The following USF3 variants were observed in gnomAD, a reference collection of about 807,000 sequenced individuals.
USF3 encodes upstream transcription factor family member 3.
In USF3, 29 loss-of-function variants were observed where a neutral mutation model predicts 157.5. The ratio of observed to expected loss-of-function variants is 0.18; its 90% CI spans 0.14 to 0.25. USF3 has a LOEUF of 0.25. USF3 is among the 10% of genes least tolerant of loss of function. The probability of loss-of-function intolerance (pLI) is 1.00; values close to 1 mark genes in which losing one functional copy is unlikely to be tolerated. For synonymous variants in USF3, 893 were observed against 941.4 expected (o/e 0.95, Z 0.94); for missense variants, 2,381 against 2,667.6 (o/e 0.89, Z 2.37).
intron 5 of USF3, among the ~76,000 whole-genome samples, chr3:113,667,155 C>T (rs1016691862): frequency 2.0e-5 from 3 of 151,390 alleles, no homozygotes; most frequent in African/African-American, 7.3e-5. Flanking sequence ...CAACAGAGAC[C>T]CAATACGTAA....
In USF3 at chr3:113,661,297, G is replaced by A; in HGVS notation, c.385C>T (p.Leu129Phe). The change falls in exon 7 of 7, where the codon CTT (leucine) becomes TTT (phenylalanine). Residue 129 changes from leucine to phenylalanine, a missense_variant. Leu to Phe is a conservative substitution (Grantham distance 22). Transcript: ENST00000316407. ...DDPTIHWKGN[L>F]KNSKVSVVIP... ...ACAACAGAGACCTTTGAGTTTTTAAGATTTCCTTTCCAGTGAATTGTCGGG... is the reference window on the plus strand; with the variant it reads ...ACAACAGAGACCTTTGAGTTTTTAAAATTTCCTTTCCAGTGAATTGTCGGG... 1 of 1,614,008 alleles carries A rather than the reference G, an allele frequency of 6.2e-7. No homozygotes were observed. Among genetic ancestry groups the A allele is most frequent in the Non-Finnish European group, 8.5e-7 (1 of 1,179,984 alleles).
intron 1 of USF3, among the ~76,000 whole-genome samples, chr3:113,692,970 A>G (rs1056018521): frequency 6.6e-6 from 1 of 152,232 alleles, no homozygotes; most frequent in African/African-American, 2.4e-5. Context: ...ACTGGAAGGA[A>G]GATTACATAT....
chr3:113,689,122 A>G (rs1257026552), intron 1 of USF3, among the ~76,000 whole-genome samples: 1 of 152,258 alleles, frequency 6.6e-6, no homozygotes, highest in Admixed American at 6.5e-5. Context: ...GAAATTGTAC[A>G]GTAAATAGGA....
chr3:113,674,690 T>G lies in USF3; in HGVS notation c.47+142A>C, dbSNP rs114158107. The G allele has an allele frequency of 4.8e-3, 3,547 of 731,602 alleles. 83 individuals carry two copies. In the African/African-American group the frequency reaches 0.052, roughly 11 times the overall value. The allele number at this position is 731,602 out of a possible 1,614,324, so 45.3% of individuals were successfully genotyped here. A position where few individuals can be genotyped will look rare whatever the true frequency, so the allele number is the denominator to read the frequency against. On this transcript the variant is annotated intron_variant, in intron 3 of 6. Coordinates refer to ENST00000316407, the MANE Select transcript of USF3 (RefSeq NM_001009899.4). ...ATACCTTTTTCAGTAAATCTGTATT[T>G]ATCTACAAATATTTTTGGAGAGTAA... is the stretch of plus-strand genomic sequence containing the variant.
At position 113,661,008 on chromosome 3, in the gene USF3, A is replaced by C. The variant is rs1428768397; in HGVS notation, c.674T>G (p.Leu225Arg). 2 of 1,614,156 alleles carry C rather than the reference A, an allele frequency of 1.2e-6. No individual in the cohort carries two copies. Among genetic ancestry groups the C allele is most frequent in the Non-Finnish European group, 1.7e-6 (2 of 1,180,020 alleles). ...AGCAGAAATGGCAGCAGGAAGACAA[A>C]GAGGAACAGGCTGGTTGGTAGCCAA... ...PALATNQPVP[L>R]CLPAAISAQS... The change falls in exon 7 of 7, where the codon CTT (leucine) becomes CGT (arginine). Residue 225 changes from leucine (L) to arginine (R), a missense_variant. This residue lies in a region of USF3 where 1,435 missense variants were observed against 1,550.9 expected (regional missense o/e 0.93). Transcript: ENST00000316407.
chr3:113,694,950 C>G (rs1448002275), intron 1 of USF3, among the ~76,000 whole-genome samples: 1 of 152,134 alleles, frequency 6.6e-6, no homozygotes, highest in Non-Finnish European at 1.5e-5. Flanking sequence ...GAGGCTGATG[C>G]AGGAGAATTG....
Position 113,658,705 on chromosome 3 carries a change from T to C in USF3, c.2977A>G (p.Met993Val), listed in dbSNP as rs780497223. Residue 993 changes from methionine to valine, a missense_variant, in exon 7 of 7, where the codon ATG (methionine) becomes GTG (valine). Met to Val is a conservative substitution (Grantham distance 21, BLOSUM62 1). Around this residue, in one of 6 missense-constraint regions of USF3, gnomAD observed 1,435 missense variants for 1,550.9 expected, o/e 0.93. Transcript: ENST00000316407. The stretch of plus-strand genomic sequence containing the variant: ...CCCTTTAAGAGACCTGTGGTTTGCA[T>C]TGTATCTGATGAATCTTGCTCAACT... ...CRVEQDSSDT[M>V]QTTGLLKGQG... is the part of the protein sequence containing the mutation. 1.9e-6 allele frequency: 3 copies of C among 1,614,112 alleles called. No individual in the cohort carries two copies. The highest frequency in any genetic ancestry group is 1.1e-5 in the South Asian group (1 of 91,082).
At position 113,681,644 on chromosome 3, in the gene USF3, C is replaced by T. The variant is rs531656509; in HGVS notation, c.-134-4247G>A. ...CTCAAGCTCCTGACCTCAGGTGATC[C>T]GCCTGCTTCGGCCTCCCAAAGTGCT... is the stretch of plus-strand genomic sequence containing the variant. On this transcript the variant is annotated intron_variant, in intron 1 of 6. Coordinates refer to ENST00000316407, the MANE Select transcript of USF3 (RefSeq NM_001009899.4). Among the ~76,000 whole-genome samples the T allele has an allele frequency of 1.8e-3, 273 of 149,422 alleles. 3 individuals carry two copies. Among genetic ancestry groups the T allele is most frequent in the South Asian group, 0.011 (51 of 4,694 alleles).
chr3:113,671,795 G>T (rs567918377), intron 4 of USF3, among the ~76,000 whole-genome samples: 25 of 135,426 alleles, frequency 1.8e-4, no homozygotes, highest in African/African-American at 5.9e-4. Context: ...TTGAGACAAG[G>T]TGTTGTTCCA....
chr3:113,671,998 T>G (rs1319678891), intron 4 of USF3, among the ~76,000 whole-genome samples: 2 of 152,034 alleles, frequency 1.3e-5, no homozygotes, highest in African/African-American at 4.8e-5. Flanking sequence ...TTTGAACTCC[T>G]GGGCTCAAAA....
At chr3:113,667,205 G>T (rs984186829) in intron 5 of USF3, among the ~76,000 whole-genome samples, 2 of 152,156 alleles carry the variant, frequency 1.3e-5, no homozygotes, top group Admixed American at 6.6e-5. Flanking sequence ...AAATAATATT[G>T]TTCTTTTTAA....
In USF3 at chr3:113,660,098, T is replaced by A; in HGVS notation, c.1584A>T (p.Ser528=). 6.2e-7 allele frequency: 1 copy of A among 1,614,194 alleles called. No individual in the cohort carries two copies. The highest frequency in any genetic ancestry group is 1.1e-5 in the South Asian group (1 of 91,084). ...QPPKNILPLN[S]AMQVIQMAQP... ...GAGCCATCTGAATCACTTGCATTGCTGAATTCAGTGGAAGGATATTTTTGG... is the reference window on the plus strand; with the variant it reads ...GAGCCATCTGAATCACTTGCATTGCAGAATTCAGTGGAAGGATATTTTTGG... The change falls in exon 7 of 7, where the codon TCA becomes TCT. Residue 528 remains serine (S), a synonymous_variant. Transcript: ENST00000316407.
chr3:113,655,618 T>G lies in USF3; in HGVS notation c.6064A>C (p.Met2022Leu). Residue 2022 changes from methionine (M) to leucine (L), a missense_variant, in exon 7 of 7, where the codon ATG (methionine) becomes CTG (leucine). Met to Leu is a conservative substitution (Grantham distance 15). Around this residue, in one of 6 missense-constraint regions of USF3, gnomAD observed 770 missense variants for 824.2 expected, o/e 0.93. Coordinates refer to ENST00000316407, the MANE Select transcript of USF3 (RefSeq NM_001009899.4). Reference sequence around the variant, plus strand: ...GCAGGTTGTTGACGTCCAAGAATCATACTGCCACCAGTAGAGAGAGGAAGA... The same window carrying G: ...GCAGGTTGTTGACGTCCAAGAATCAGACTGCCACCAGTAGAGAGAGGAAGA... ...PHLPLSTGGS[M>L]ILGRQQPATE... The G allele has an allele frequency of 6.2e-7, 1 of 1,614,186 alleles. No homozygotes were observed.
At chr3:113,675,788 C>T (rs1707267778) in intron 2 of USF3, among the ~76,000 whole-genome samples, 3 of 152,148 alleles carry the variant, frequency 2.0e-5, no homozygotes, top group African/African-American at 7.2e-5. Context: ...TGGAGAATGC[C>T]TCTGGAAACT....
chr3:113,680,726 G>A (rs1053897767), intron 1 of USF3, among the ~76,000 whole-genome samples: 5 of 151,608 alleles, frequency 3.3e-5, no homozygotes, highest in Non-Finnish European at 5.9e-5. Flanking sequence ...ACTTGAACCC[G>A]GGAGATGGAG....
Position 113,657,189 on chromosome 3 carries a change from G to A in USF3, c.4493C>T (p.Ala1498Val). Residue 1498 changes from alanine to valine, a missense_variant, in exon 7 of 7, where the codon GCA (alanine) becomes GTA (valine). Around this residue, in one of 6 missense-constraint regions of USF3, gnomAD observed 50 missense variants for 79.7 expected, o/e 0.63. Transcript: ENST00000316407. Reference sequence around the variant, plus strand: ...GGGCTGAGAGTGGACAGAGCTCTCTGCATGAGGTACATGATGCTGCATTTG... The same window carrying A: ...GGGCTGAGAGTGGACAGAGCTCTCTACATGAGGTACATGATGCTGCATTTG... ...LYQMQHHVPH[A>V]ESSVHSQPHN... 3 of 1,614,196 alleles carry A rather than the reference G, an allele frequency of 1.9e-6. No individual in the cohort carries two copies. Among genetic ancestry groups the A allele is most frequent in the Non-Finnish European group, 2.5e-6 (3 of 1,180,040 alleles).
chr3:113,674,992 A>T lies in USF3; in HGVS notation c.-18-96T>A, dbSNP rs1325090813. ...AATTTGATTTGAATATTAAAATGCTAAAAAATAAAATTGACATTGAAAAGC... is the reference window on the plus strand; with the variant it reads ...AATTTGATTTGAATATTAAAATGCTTAAAAATAAAATTGACATTGAAAAGC... On this transcript the variant is annotated intron_variant, in intron 2 of 6. Transcript: ENST00000316407. 4 of 759,048 alleles carry T rather than the reference A, an allele frequency of 5.3e-6. No individual in the cohort carries two copies. The East Asian group carries it at 1.0e-4, about 19-fold the overall frequency. The allele number at this position is 759,048 out of a possible 1,614,324, so 47.0% of individuals were successfully genotyped here.
chr3:113,689,812 C>G (rs1396996644), intron 1 of USF3, among the ~76,000 whole-genome samples: 1 of 152,216 alleles, frequency 6.6e-6, no homozygotes, highest in Admixed American at 6.5e-5. Context: ...GCTGATCTCT[C>G]TCTTTCTTGA....
chr3:113,692,538 C>G (rs562088068), intron 1 of USF3, among the ~76,000 whole-genome samples: 1 of 152,200 alleles, frequency 6.6e-6, no homozygotes, highest in South Asian at 2.1e-4. Context: ...ATAGATTTTA[C>G]ATACTTATGT....
Sources: gnomAD v4.1 joint callset for allele counts (sites outside exome capture counted in the v4.1 genomes callset) on GRCh38, gnomAD v4.1.1 for gene constraint, gnomAD v4.1.1 regional missense constraint, MANE v1.5 for transcripts, NCBI Gene and HGNC (gene_info 2026-07-23, HGNC 2026-07-21) for gene names.